The following PDE11A variants were observed in gnomAD, a reference collection of about 807,000 sequenced individuals.
PDE11A encodes the protein phosphodiesterase 11A, also known as dual 3',5'-cyclic-AMP and -GMP phosphodiesterase 11A.
In PDE11A, 100 loss-of-function variants were observed where a neutral mutation model predicts 100.5. The ratio of observed to expected loss-of-function variants is 1.00; its 90% CI spans 0.85 to 1.18. The LOEUF (loss-of-function observed/expected upper bound fraction) is 1.18, where lower values mean the gene tolerates loss of function less well. Among genes scored for constraint, PDE11A ranks in the 50% most tolerant of loss-of-function variants. PDE11A has a pLI of 0.00. For synonymous variants in PDE11A, 381 were observed against 420.8 expected (o/e 0.91, Z 1.16); for missense variants, 1,141 against 1,152.6 (o/e 0.99, Z 0.15).
chr2:178,025,342 G>A (rs1045265592), intron 1 of PDE11A, among the ~76,000 whole-genome samples: 2 of 152,184 alleles, frequency 1.3e-5, no homozygotes, highest in African/African-American at 4.8e-5. Context: ...GTGGTTGATA[G>A]ACACCATCAA....
chr2:177,830,341 T>C (rs960416333), intron 6 of PDE11A, among the ~76,000 whole-genome samples: 2 of 152,134 alleles, frequency 1.3e-5, no homozygotes, highest in Non-Finnish European at 2.9e-5. Context: ...AGCTCACGCC[T>C]GTAATCCTAG....
chr2:177,943,424 C>T (rs35952531), intron 2 of PDE11A, among the ~76,000 whole-genome samples: 9,603 of 152,140 alleles, frequency 0.063, 316 homozygotes, highest in South Asian at 0.094. Flanking sequence ...TTGCCATCCT[C>T]GTGGGTGCGA....
chr2:177,963,780 C>T (rs2573081), intron 2 of PDE11A, among the ~76,000 whole-genome samples: 1 of 152,012 alleles, frequency 6.6e-6, no homozygotes. Flanking sequence ...GGATGGGGCA[C>T]GGTGGCTGCT....
At chr2:177,788,077 G>C (rs1320348598) in intron 9 of PDE11A, among the ~76,000 whole-genome samples, 1 of 151,832 alleles carries the variant, frequency 6.6e-6, no homozygotes, top group African/African-American at 2.4e-5. Context: ...CAAATCAACA[G>C]AATATACATT....
At chr2:177,818,125 T>C (rs529006030) in intron 7 of PDE11A, among the ~76,000 whole-genome samples, 200 bp from the exon 8 acceptor site, 2 of 152,192 alleles carry the variant, frequency 1.3e-5, no homozygotes, top group East Asian at 3.9e-4. Flanking sequence ...CTGATTTATT[T>C]AGACTAGATC....
chr2:177,791,696 T>C (rs1188271137), intron 9 of PDE11A, among the ~76,000 whole-genome samples: 2 of 152,134 alleles, frequency 1.3e-5, no homozygotes, highest in Non-Finnish European at 2.9e-5. Context: ...ATAAGTAAGA[T>C]TATAGTATAT....
At position 177,979,091 on chromosome 2, in the gene PDE11A, A is replaced by AAG. The variant is rs1553496796; in HGVS notation, c.1071+35210_1071+35211insCT. ...TTAGAGTATAATAAAAAAAAAAAAA[A>AAG]AAAGAAAGAAAATGGCTTACATGAA... On this transcript the variant is annotated intron_variant, in intron 2 of 19. Transcript: ENST00000286063. Among the ~76,000 whole-genome samples the AAG allele has an allele frequency of 3.1e-4, 44 of 142,922 alleles. 1 individual carries two copies. The highest frequency in any genetic ancestry group is 1.1e-3 in the African/African-American group (41 of 38,412). 93.8% of individuals were successfully genotyped at this position (142,922 alleles called of 152,430 possible). A position where few individuals can be genotyped will look rare whatever the true frequency, so the allele number is the denominator to read the frequency against.
chr2:177,810,455 AT>A (rs955939851), intron 9 of PDE11A, among the ~76,000 whole-genome samples: 15 of 152,194 alleles, frequency 9.9e-5, no homozygotes, highest in African/African-American at 3.1e-4. Context: ...AGAAATTTTT[AT>A]AGAGGAGATT....
chr2:178,084,016 C>T (rs1409749709), intron 2 of PDE11A, among the ~76,000 whole-genome samples: 2 of 152,058 alleles, frequency 1.3e-5, no homozygotes, highest in Admixed American at 6.5e-5. Flanking sequence ...CATATATACA[C>T]AAATATACAT....
At chr2:177,880,029 T>C (rs1398945867) in intron 4 of PDE11A, among the ~76,000 whole-genome samples, 3 of 152,208 alleles carry the variant, frequency 2.0e-5, no homozygotes, top group East Asian at 3.9e-4. Flanking sequence ...TTCCATAGAA[T>C]GCATTAGCTG....
chr2:177,786,764 G>A (rs1374549672), intron 9 of PDE11A, among the ~76,000 whole-genome samples: 7 of 152,140 alleles, frequency 4.6e-5, no homozygotes, highest in East Asian at 3.8e-4. Context: ...GAGCCGATGC[G>A]ATCAACTGGA....
At chr2:177,749,850 A>G (rs918521044) in intron 10 of PDE11A, among the ~76,000 whole-genome samples, 7 of 152,218 alleles carry the variant, frequency 4.6e-5, no homozygotes, top group African/African-American at 1.7e-4. Context: ...CCAACTACAA[A>G]TGGAAAAATG....
chr2:178,048,893 G>A (rs2086786579), intron 1 of PDE11A, among the ~76,000 whole-genome samples: 1 of 152,060 alleles, frequency 6.6e-6, no homozygotes, highest in African/African-American at 2.4e-5. Flanking sequence ...TAGGTATTGG[G>A]TCCTCTCAAA....
At chr2:177,751,678 TA>T (rs142579590) in intron 10 of PDE11A, among the ~76,000 whole-genome samples, 2,870 of 152,228 alleles carry the variant, frequency 0.019, 41 homozygotes, top group South Asian at 0.033. Context: ...TCCTCCCCTT[TA>T]AATAAGAAAC....
chr2:178,029,187 T>A (rs1003118176), intron 1 of PDE11A, among the ~76,000 whole-genome samples: 3 of 152,194 alleles, frequency 2.0e-5, no homozygotes, highest in African/African-American at 7.2e-5. Context: ...ATATAATTAG[T>A]TCCATGATTG....
At chr2:177,817,951 G>C (rs1399228085) in intron 7 of PDE11A, 26 bp from the exon 8 acceptor site, 2 of 1,037,728 alleles carry the variant, frequency 1.9e-6, no homozygotes, top group Non-Finnish European at 3.0e-6. Context: ...GGATTATGTG[G>C]TCATTTTTAG....
At chr2:177,769,275 G>A (rs1483014927) in intron 10 of PDE11A, 48 bp downstream of exon 10, 2 of 1,078,508 alleles carry the variant, frequency 1.9e-6, no homozygotes, top group Non-Finnish European at 2.9e-6. Context: ...AGGAGGCCAG[G>A]AGAAGTTTAA....
At chr2:177,828,587 T>G (rs906128137) in intron 6 of PDE11A, among the ~76,000 whole-genome samples, 2 of 152,188 alleles carry the variant, frequency 1.3e-5, no homozygotes, top group African/African-American at 4.8e-5. Flanking sequence ...TACTGTCAGG[T>G]AACATTTGGA....
intron 10 of PDE11A, among the ~76,000 whole-genome samples, chr2:177,756,889 A>C (rs1038820829): frequency 6.6e-6 from 1 of 152,262 alleles, no homozygotes; most frequent in Non-Finnish European, 1.5e-5. Context: ...CATTCTTAGC[A>C]AGGTCTGTTG....
Sources: allele counts gnomAD v4.1 joint callset (sites outside exome capture counted in the v4.1 genomes callset), GRCh38; gene constraint gnomAD v4.1.1; transcripts MANE v1.5; gene names NCBI Gene and HGNC (gene_info 2026-07-23, HGNC 2026-07-21).